Variants in UBAC1 observed in about 807,000 individuals in gnomAD.
UBAC1 encodes the protein UBA domain containing 1.
Under a neutral mutation model 45.9 loss-of-function variants are expected in UBAC1, and 27 were observed. That is an observed-to-expected ratio of 0.59 (90% CI 0.43 to 0.81). UBAC1 has a LOEUF of 0.81. Ranked by LOEUF, UBAC1 falls within the 30% of genes least tolerant of loss-of-function variation. The probability of loss-of-function intolerance (pLI) is 0.00; values close to 1 mark genes in which losing one functional copy is unlikely to be tolerated. For missense variants in UBAC1, 529 were observed against 539.2 expected, an observed-to-expected ratio of 0.98 and a Z score of 0.19; for synonymous variants, 227 against 215.5, an observed-to-expected ratio of 1.05 and a Z score of -0.47.
intron 8 of UBAC1, among the ~76,000 whole-genome samples, chr9:135,938,814 G>T (rs1456337369): frequency 2.0e-5 from 2 of 99,490 alleles, no homozygotes; most frequent in Admixed American, 1.1e-4. Context: ...GGGGGATGGT[G>T]GGGGGGGGAT....
At chr9:135,946,707 A>G (rs1179624686) in intron 4 of UBAC1, among the ~76,000 whole-genome samples, 4 of 152,244 alleles carry the variant, frequency 2.6e-5, no homozygotes, top group East Asian at 1.9e-4. Context: ...TCACTGAAGA[A>G]AACAGAATCA....
chr9:135,953,733 T>C lies in UBAC1; in HGVS notation c.280A>G (p.Lys94Glu). 1.2e-6 allele frequency: 2 copies of C among 1,614,012 alleles called. No individual in the cohort carries two copies. Among genetic ancestry groups the C allele is most frequent in the Non-Finnish European group, 1.7e-6 (2 of 1,179,904 alleles). The change falls in exon 3 of 10, where the codon AAG (lysine) becomes GAG (glutamate). Residue 94 changes from lysine to glutamate, a missense_variant. Physicochemically the swap from Lys to Glu is moderately conservative, Grantham distance 56. Transcript: ENST00000371756. ...QDQDVLLLIK[K>E]RAPSPLPKMA... ...TTGGGAAGTGGTGATGGAGCACGCT[T>C]TTTTATCAATAATAGGACATCTAGA...
At chr9:135,942,650 CAAAAAA>C in intron 7 of UBAC1, among the ~76,000 whole-genome samples, 1 of 95,842 alleles carries the variant, frequency 1.0e-5, no homozygotes, top group East Asian at 3.2e-4. Flanking sequence ...GAAACTGTCT[CAAAAAA>C]AAAAAAAAAA....
rs746455366 is a variant in UBAC1 at position 135,946,367 on chromosome 9, T to G, written c.446A>C (p.Gln149Pro). Reference protein sequence around the residue: ...AAVQTNMRDFQTELRKILVSL... With the variant: ...AAVQTNMRDFPTELRKILVSL... ...CACCAGTATCTTCCGGAGTTCTGTCTGGAACTGTGGTGAAAAAAAAGGAGA... is the reference window on the plus strand; with the variant it reads ...CACCAGTATCTTCCGGAGTTCTGTCGGGAACTGTGGTGAAAAAAAAGGAGA... The change falls in exon 5 of 10, where the codon CAG becomes CCG. Residue 149 changes from glutamine (Q) to proline (P), a missense_variant. Gln to Pro is a moderately conservative substitution (Grantham distance 76, BLOSUM62 -1). Coordinates refer to ENST00000371756, the MANE Select transcript of UBAC1 (RefSeq NM_016172.3). The G allele has an allele frequency of 2.1e-5, 33 of 1,606,684 alleles. No homozygotes were observed. The highest frequency in any genetic ancestry group is 2.8e-5 in the Non-Finnish European group (33 of 1,173,280).
intron 1 of UBAC1, 80 bp from the exon 2 acceptor site, chr9:135,955,495 C>T (rs1588536474): frequency 2.2e-6 from 3 of 1,365,154 alleles, no homozygotes; most frequent in East Asian, 2.6e-5. Flanking sequence ...TCCCAAGCTA[C>T]ACCAGGAATT....
chr9:135,945,386 C>T, intron 6 of UBAC1, 136 bp from the exon 7 acceptor site: 1 of 737,150 alleles, frequency 1.4e-6, no homozygotes, highest in Non-Finnish European at 2.1e-6. Flanking sequence ...TAACAAGAAC[C>T]TGAATGAACA....
chr9:135,937,471 GCAC>G (rs1261752342), intron 9 of UBAC1, among the ~76,000 whole-genome samples: 4 of 150,964 alleles, frequency 2.6e-5, no homozygotes, highest in Non-Finnish European at 5.9e-5. Flanking sequence ...ATCAGGAGTG[GCAC>G]CACATGTAGA....
At chr9:135,941,107 A>C (rs530053685) in intron 7 of UBAC1, among the ~76,000 whole-genome samples, 1 of 152,192 alleles carries the variant, frequency 6.6e-6, no homozygotes, top group Non-Finnish European at 1.5e-5. Context: ...TGTGTGCATG[A>C]TCAGGTCAAA....
Position 135,961,314 on chromosome 9 carries a change from T to G in UBAC1, c.-152A>C. ...CTCCCGTCGGCCGGGCCGCCGTCAC[T>G]CTCCGCGGCCTCAGCGGTCGCCTCG... is the stretch of plus-strand genomic sequence containing the variant. On this transcript the variant is annotated 5_prime_UTR_variant, in exon 1 of 10. Transcript: ENST00000371756. The G allele has an allele frequency of 1.8e-6, 1 of 540,600 alleles. No individual in the cohort carries two copies. Among genetic ancestry groups the G allele is most frequent in the Non-Finnish European group, 2.4e-6 (1 of 416,320 alleles). 33.5% of individuals were successfully genotyped at this position (540,600 alleles called of 1,614,324 possible).
At chr9:135,955,774 C>T (rs1839459806) in intron 1 of UBAC1, among the ~76,000 whole-genome samples, 2 of 152,196 alleles carry the variant, frequency 1.3e-5, no homozygotes, top group Admixed American at 1.3e-4. Flanking sequence ...TAAAGATCTA[C>T]CTAAGTTTTG....
At chr9:135,935,958 G>A (rs1035824066) in intron 9 of UBAC1, among the ~76,000 whole-genome samples, 2 of 151,024 alleles carry the variant, frequency 1.3e-5, no homozygotes, top group Admixed American at 1.3e-4. Flanking sequence ...CCCGGTAGGC[G>A]GAGCTTGCAG....
At chr9:135,955,274 G>C in intron 2 of UBAC1, 21 bp downstream of exon 2, 1 of 1,531,038 alleles carries the variant, frequency 6.5e-7, no homozygotes, top group South Asian at 1.3e-5. Context: ...CTGCCAACCC[G>C]CCCGCCCACA....
chr9:135,946,940 A>T (rs1240342141), intron 4 of UBAC1, among the ~76,000 whole-genome samples: 1 of 152,182 alleles, frequency 6.6e-6, no homozygotes, highest in Non-Finnish European at 1.5e-5. Flanking sequence ...CACTAGAGAA[A>T]TACCTCTGAG....
chr9:135,942,229 CAGCTGGAG>C (rs1839278764), intron 7 of UBAC1: 1 of 152,232 alleles, frequency 6.6e-6, no homozygotes, highest in Non-Finnish European at 1.5e-5. Context: ...ACAAGGGACC[CAGCTGGAG>C]AGTGACTGCT....
Position 135,947,912 on chromosome 9 carries a change from A to G in UBAC1, c.334-7T>C, listed in dbSNP as rs1277660722. The stretch of plus-strand genomic sequence containing the variant: ...CTTTCTGGTCTTGTTTTTTCTACAC[A>G]GAAACGTAATCAGAAAGTCTGAGGT... On this transcript the variant is annotated splice_polypyrimidine_tract_variant and splice_region_variant and intron_variant, in intron 3 of 9. Transcript: ENST00000371756. The G allele has an allele frequency of 2.5e-6, 4 of 1,612,614 alleles. No individual in the cohort carries two copies. Among genetic ancestry groups the G allele is most frequent in the African/African-American group, 1.3e-5 (1 of 74,854 alleles).
At chr9:135,946,153 T>A in intron 5 of UBAC1, 116 bp downstream of exon 5, 5 of 1,030,990 alleles carry the variant, frequency 4.8e-6, no homozygotes, top group Non-Finnish European at 6.0e-6. Flanking sequence ...CAGGCCCTCA[T>A]CAGCGCTTCC....
chr9:135,945,436 T>G, intron 6 of UBAC1, 186 bp from the exon 7 acceptor site: 1 of 561,792 alleles, frequency 1.8e-6, no homozygotes, highest in Non-Finnish European at 3.1e-6. Flanking sequence ...TCAGACTACC[T>G]TGAGACCCTG....
At chr9:135,951,057 C>T (rs924283150) in intron 3 of UBAC1, among the ~76,000 whole-genome samples, 2 of 152,166 alleles carry the variant, frequency 1.3e-5, no homozygotes, top group African/African-American at 4.8e-5. Context: ...GAGATCGTAC[C>T]ACACACTCCA....
At chr9:135,954,551 C>T (rs1411683412) in intron 2 of UBAC1, among the ~76,000 whole-genome samples, 1 of 152,198 alleles carries the variant, frequency 6.6e-6, no homozygotes, top group Non-Finnish European at 1.5e-5. Context: ...AGCTCCCAGG[C>T]CTGGCACGAA....
Sources: allele counts gnomAD v4.1 joint callset (sites outside exome capture counted in the v4.1 genomes callset), GRCh38; gene constraint gnomAD v4.1.1; transcripts MANE v1.5; gene names NCBI Gene and HGNC (gene_info 2026-07-23, HGNC 2026-07-21).